NRG3: variants seen among roughly 807,000 people sequenced by gnomAD.
NRG3 encodes pro-neuregulin-3, membrane-bound isoform.
NRG3 carries 31 observed loss-of-function variants against 66.9 expected under a neutral mutation model. The ratio of observed to expected loss-of-function variants is 0.46; its 90% CI spans 0.35 to 0.63. NRG3 has a LOEUF of 0.63. NRG3 is among the 20% of genes least tolerant of loss of function. NRG3 has a pLI of 0.00. For synonymous variants in NRG3, 393 were observed against 359.4 expected (o/e 1.09, Z -1.06); for missense variants, 910 against 878.9 (o/e 1.04, Z -0.45).
chr10:82,167,596 T>G (rs1382965510), intron 1 of NRG3, among the ~76,000 whole-genome samples: 1 of 152,100 alleles, frequency 6.6e-6, no homozygotes, highest in East Asian at 1.9e-4. Context: ...TGAAGGTTAA[T>G]TCAGAGAACT....
intron 1 of NRG3, among the ~76,000 whole-genome samples, chr10:82,014,196 T>G (rs1042365780): frequency 2.4e-4 from 36 of 152,310 alleles, no homozygotes; most frequent in Non-Finnish European, 4.4e-4. Context: ...GTTACTAATA[T>G]GTAGACTGGG....
intron 2 of NRG3, among the ~76,000 whole-genome samples, chr10:82,547,958 A>G (rs1006747239): frequency 6.6e-6 from 1 of 151,762 alleles, no homozygotes; most frequent in Non-Finnish European, 1.5e-5. Context: ...TTGGCCTGTG[A>G]TATGAATAGT....
chr10:82,041,964 G>A (rs1460383463), intron 1 of NRG3, among the ~76,000 whole-genome samples: 4 of 151,946 alleles, frequency 2.6e-5, no homozygotes, highest in African/African-American at 9.7e-5. Flanking sequence ...CCAGATGGGC[G>A]AAATGACTTG....
chr10:82,865,859 C>G (rs1330451053), intron 4 of NRG3, among the ~76,000 whole-genome samples: 1 of 152,148 alleles, frequency 6.6e-6, no homozygotes, highest in Non-Finnish European at 1.5e-5. Context: ...ATTTTTACTT[C>G]TAAGTCCCCT....
At chr10:82,524,905 G>A (rs890009559) in intron 2 of NRG3, among the ~76,000 whole-genome samples, 4 of 151,676 alleles carry the variant, frequency 2.6e-5, no homozygotes, top group South Asian at 2.1e-4. Flanking sequence ...CAGTGTTTTC[G>A]CTGTAATTTT....
chr10:82,268,595 T>C (rs2078427974), intron 1 of NRG3, among the ~76,000 whole-genome samples: 1 of 152,142 alleles, frequency 6.6e-6, no homozygotes, highest in Non-Finnish European at 1.5e-5. Context: ...CTGGCCGTAT[T>C]ATGAAAACAG....
chr10:82,283,204 A>C (rs1308242983), intron 1 of NRG3, among the ~76,000 whole-genome samples: 3 of 152,046 alleles, frequency 2.0e-5, no homozygotes, highest in Admixed American at 6.6e-5. Context: ...TTGTGTGCTT[A>C]GTTCTGAAGT....
At chr10:82,790,269 T>C (rs1591533726) in intron 3 of NRG3, among the ~76,000 whole-genome samples, 1 of 152,230 alleles carries the variant, frequency 6.6e-6, no homozygotes, top group South Asian at 2.1e-4. Context: ...CTTTGGTATT[T>C]CTTGTAGGGC....
At chr10:82,455,728 C>T in intron 2 of NRG3, among the ~76,000 whole-genome samples, 1 of 151,904 alleles carries the variant, frequency 6.6e-6, no homozygotes, top group Non-Finnish European at 1.5e-5. Context: ...CATTCTCCTG[C>T]CTCAGCCTCC....
intron 2 of NRG3, among the ~76,000 whole-genome samples, chr10:82,682,356 AAGAT>A (rs1336626369): frequency 3.3e-5 from 5 of 152,068 alleles, no homozygotes; most frequent in African/African-American, 4.8e-5. Context: ...GATGAAAGAT[AAGAT>A]AGATGGATAG....
intron 1 of NRG3, among the ~76,000 whole-genome samples, chr10:82,033,180 T>C (rs933567467): frequency 2.0e-5 from 3 of 152,150 alleles, no homozygotes; most frequent in African/African-American, 7.2e-5. Flanking sequence ...GAATGTTGCA[T>C]TTCTATAGGA....
chr10:82,427,197 C>T (rs1307722127), intron 2 of NRG3, among the ~76,000 whole-genome samples: 1 of 152,066 alleles, frequency 6.6e-6, no homozygotes, highest in East Asian at 1.9e-4. Context: ...ACTGATTGTC[C>T]TAGCTAGAAC....
intron 1 of NRG3, among the ~76,000 whole-genome samples, chr10:82,271,348 A>G (rs73306612): frequency 0.017 from 2,605 of 152,146 alleles, 78 homozygotes; most frequent in African/African-American, 0.059. Flanking sequence ...GAGCTTCAAC[A>G]CTATTATCTT....
At chr10:82,542,814 T>C (rs1359215965) in intron 2 of NRG3, among the ~76,000 whole-genome samples, 2 of 152,050 alleles carry the variant, frequency 1.3e-5, no homozygotes, top group Non-Finnish European at 1.5e-5. Context: ...TCAGGAAAGA[T>C]TGGGAAATTT....
chr10:82,082,914 CACTTTATTGATT>C (rs1026974366), intron 1 of NRG3, among the ~76,000 whole-genome samples: 11 of 151,770 alleles, frequency 7.2e-5, no homozygotes. Context: ...TGAACATGAC[CACTTTATTGATT>C]ACTTTATTGA....
intron 1 of NRG3, among the ~76,000 whole-genome samples, chr10:81,947,694 A>G (rs1417303878): frequency 6.6e-6 from 1 of 152,018 alleles, no homozygotes; most frequent in East Asian, 1.9e-4. Flanking sequence ...ATGGTAACAT[A>G]ATAGATTTCC....
chr10:82,364,005 A>G (rs949223081), intron 2 of NRG3, among the ~76,000 whole-genome samples: 3 of 152,188 alleles, frequency 2.0e-5, no homozygotes, highest in Non-Finnish European at 4.4e-5. Context: ...TGAAAAAAAA[A>G]CTAAAAAGGT....
At chr10:82,802,610 G>C (rs949713381) in intron 3 of NRG3, among the ~76,000 whole-genome samples, 6 of 151,928 alleles carry the variant, frequency 3.9e-5, no homozygotes, top group African/African-American at 1.5e-4. Context: ...AGAAGAACAG[G>C]ACAACCCATG....
At position 82,787,053 on chromosome 10, in the gene NRG3, A is replaced by G. The variant is rs139505544; in HGVS notation, c.1027+48403A>G. ...CAGTCTCAAATTTTCTGTTATTATC[A>G]GCACAAAACAGACTAGACATGCAGC... On this transcript the variant is annotated intron_variant, in intron 3 of 8. Coordinates refer to ENST00000372141, the MANE Select transcript of NRG3 (RefSeq NM_001010848.4). Among the ~76,000 whole-genome samples the G allele has an allele frequency of 2.5e-3, 385 of 152,312 alleles. 7 individuals carry two copies. The highest frequency in any genetic ancestry group is 8.5e-3 in the African/African-American group (355 of 41,568).
Sources: gnomAD v4.1 joint callset for allele counts (sites outside exome capture counted in the v4.1 genomes callset) on GRCh38, gnomAD v4.1.1 for gene constraint, MANE v1.5 for transcripts, NCBI Gene and HGNC (gene_info 2026-07-23, HGNC 2026-07-21) for gene names.